Variants in TP73 observed in about 807,000 individuals in gnomAD.
The protein encoded by TP73 is tumor protein p73.
In TP73, 25 loss-of-function variants were observed where a neutral mutation model predicts 62.5. The observed-to-expected ratio is 0.40, with a 90% confidence interval of 0.29 to 0.56. TP73 has a LOEUF of 0.56. TP73 is among the 20% of genes least tolerant of loss of function. TP73 has a pLI of 0.46. For missense variants in TP73, 754 were observed against 913.3 expected, an observed-to-expected ratio of 0.83 and a Z score of 2.25; for synonymous variants, 423 against 377.5, an observed-to-expected ratio of 1.12 and a Z score of -1.40.
intron 1 of TP73, among the ~76,000 whole-genome samples, chr1:3,674,187 C>T (rs766722379): frequency 2.0e-5 from 3 of 152,184 alleles, no homozygotes; most frequent in African/African-American, 2.4e-5. Flanking sequence ...CACGGGGGGT[C>T]GGGCATTTTG....
chr1:3,703,525 A>G (rs1156624311), intron 3 of TP73, among the ~76,000 whole-genome samples: 1 of 152,126 alleles, frequency 6.6e-6, no homozygotes, highest in African/African-American at 2.4e-5. Context: ...GGCCTGGCTC[A>G]CTCCCGCTGG....
chr1:3,667,021 AG>A (rs1443779349), intron 1 of TP73, among the ~76,000 whole-genome samples: 1 of 152,168 alleles, frequency 6.6e-6, no homozygotes, highest in Non-Finnish European at 1.5e-5. Context: ...CAGTGTCATC[AG>A]GGGGCCCCAC....
At chr1:3,680,970 T>G (rs1645505075) in intron 1 of TP73, among the ~76,000 whole-genome samples, 1 of 152,256 alleles carries the variant, frequency 6.6e-6, no homozygotes, top group Non-Finnish European at 1.5e-5. Flanking sequence ...ACAAGTCACT[T>G]AACCCCTCTG....
At chr1:3,715,145 A>AC (rs1640486527) in intron 4 of TP73, among the ~76,000 whole-genome samples, 1 of 152,108 alleles carries the variant, frequency 6.6e-6, no homozygotes, top group Non-Finnish European at 1.5e-5. Flanking sequence ...TCTATTGTCC[A>AC]TGGAGACCCA....
In TP73 at chr1:3,701,527, CAG is replaced by C. The variant is rs1464803824; in HGVS notation, c.187-6019_187-6018del. On this transcript the variant is annotated intron_variant, in intron 3 of 13. Coordinates refer to ENST00000378295, the MANE Select transcript of TP73 (RefSeq NM_005427.4). This position sits in a 1 kb window ranked among gnomAD's most constrained non-coding sequence, Gnocchi z 4.7. ...ATTTCTTTTTTGGTTTTTTTCGAGACAGAGTCTTGCTCTGTCACCCAGGCTGG... is the reference window on the plus strand; with the variant it reads ...ATTTCTTTTTTGGTTTTTTTCGAGACAGTCTTGCTCTGTCACCCAGGCTGG... Among the ~76,000 whole-genome samples, 4 of 152,106 alleles carry C rather than the reference CAG, an allele frequency of 2.6e-5. No individual in the cohort carries two copies. The highest frequency in any genetic ancestry group is 4.4e-5 in the Non-Finnish European group (3 of 68,020).
chr1:3,690,052 C>T (rs1317374571), intron 3 of TP73, among the ~76,000 whole-genome samples: 1 of 152,222 alleles, frequency 6.6e-6, no homozygotes, highest in Non-Finnish European at 1.5e-5. Context: ...CTGCAGGGGG[C>T]CCCACTGCCG....
At chr1:3,682,656 C>G (rs1039755467) in intron 2 of TP73, among the ~76,000 whole-genome samples, 2 of 152,250 alleles carry the variant, frequency 1.3e-5, no homozygotes, top group Non-Finnish European at 2.9e-5. Context: ...TGGACCAGAG[C>G]AGGAGAGGTG....
At chr1:3,695,571 C>T (rs899756609) in intron 3 of TP73, among the ~76,000 whole-genome samples, 1 of 152,252 alleles carries the variant, frequency 6.6e-6, no homozygotes, top group African/African-American at 2.4e-5. Context: ...TGGACACCCC[C>T]ACTCCCGTGC....
rs970366509 is a variant in TP73 at position 3,696,374 on chromosome 1, A to G, written c.187-11175A>G. 2.0e-5 allele frequency among the ~76,000 whole-genome samples: 3 copies of G among 151,956 alleles called. No individual in the cohort carries two copies. The highest frequency in any genetic ancestry group is 2.1e-4 in the South Asian group (1 of 4,806). On this transcript the variant is annotated intron_variant, in intron 3 of 13. Coordinates refer to ENST00000378295, the MANE Select transcript of TP73 (RefSeq NM_005427.4). The surrounding 1 kb of genome is among the most constrained non-coding windows in gnomAD (Gnocchi z 4.1). The stretch of plus-strand genomic sequence containing the variant: ...AAGGAGTTGGGGCCACACTGGCAGG[A>G]GCGGCCATGTGGACACTCAGTTGCT...
Position 3,731,493 on chromosome 1 carries a change from C to T in TP73, c.1515C>T (p.Cys505=), listed in dbSNP as rs1290590496. Reference sequence around the variant, plus strand: ...TAACAGGATTGGGGTGTCCAAACTGCATCGAGTATTTCACCTCCCAAGGGT... The same window carrying T: ...TAACAGGATTGGGGTGTCCAAACTGTATCGAGTATTTCACCTCCCAAGGGT... ...SFLTGLGCPN[C]IEYFTSQGLQ... is the part of the protein sequence containing the mutation. Residue 505 remains cysteine (C), a synonymous_variant, in exon 13 of 14, where the codon TGC becomes TGT. Coordinates refer to ENST00000378295, the MANE Select transcript of TP73 (RefSeq NM_005427.4). The T allele has an allele frequency of 6.2e-7, 1 of 1,613,854 alleles. No individual in the cohort carries two copies. The highest frequency in any genetic ancestry group is 1.7e-5 in the Admixed American group (1 of 60,020).
intron 1 of TP73, among the ~76,000 whole-genome samples, chr1:3,677,954 C>T (rs943795560): frequency 2.0e-5 from 3 of 152,152 alleles, no homozygotes; most frequent in Non-Finnish European, 4.4e-5. Context: ...ATCCTCCCTC[C>T]TTGGCCTCCT....
chr1:3,669,197 C>T (rs964544678), intron 1 of TP73, among the ~76,000 whole-genome samples: 11 of 152,224 alleles, frequency 7.2e-5, no homozygotes, highest in African/African-American at 2.7e-4. Context: ...GCCCTCCTCT[C>T]GGCCTGAGTC....
Position 3,662,938 on chromosome 1 carries a change from G to A in TP73, c.-34+10297G>A, listed in dbSNP as rs1645029604. On this transcript the variant is annotated intron_variant, in intron 1 of 13. Transcript: ENST00000378295. This position sits in a 1 kb window ranked among gnomAD's most constrained non-coding sequence, Gnocchi z 4.4. ...AAAAACGAAATTCTCTTTTATAAGA[G>A]AAACTTGTCTCTGGTCCCATGTGTT... 6.6e-6 allele frequency among the ~76,000 whole-genome samples: 1 copy of A among 152,234 alleles called. No homozygotes were observed. Among genetic ancestry groups the A allele is most frequent in the South Asian group, 2.1e-4 (1 of 4,832 alleles).
At chr1:3,689,361 T>C (rs564867471) in intron 3 of TP73, among the ~76,000 whole-genome samples, 2 of 152,294 alleles carry the variant, frequency 1.3e-5, no homozygotes, top group South Asian at 4.1e-4. Context: ...TGTTGGGGGC[T>C]GAGATCCTCT....
intron 3 of TP73, 138 bp from the exon 4 acceptor site, chr1:3,707,411 G>T (rs1025439465): frequency 3.2e-6 from 4 of 1,251,578 alleles, no homozygotes; most frequent in East Asian, 2.4e-5. Flanking sequence ...TGTTGGGATG[G>T]GGGAGAGACC....
intron 3 of TP73, among the ~76,000 whole-genome samples, chr1:3,690,370 C>G (rs1645782482): frequency 6.6e-6 from 1 of 152,190 alleles, no homozygotes; most frequent in African/African-American, 2.4e-5. Flanking sequence ...ATCTCTCCCC[C>G]TTGGGGTGGC....
intron 3 of TP73, among the ~76,000 whole-genome samples, chr1:3,695,631 G>A (rs1638577828): frequency 6.6e-6 from 1 of 152,258 alleles, no homozygotes; most frequent in African/African-American, 2.4e-5. Flanking sequence ...TGAAACCTCT[G>A]GGCAGGATGG....
intron 3 of TP73, among the ~76,000 whole-genome samples, chr1:3,688,222 G>A (rs1645714780): frequency 6.6e-6 from 1 of 152,120 alleles, no homozygotes; most frequent in South Asian, 2.1e-4. Flanking sequence ...TTCCTTTGGT[G>A]GGCTTTCGTG....
Position 3,662,501 on chromosome 1 carries a change from T to A in TP73, c.-34+9860T>A, listed in dbSNP as rs1435800330. On this transcript the variant is annotated intron_variant, in intron 1 of 13. Transcript: ENST00000378295. This position sits in a 1 kb window ranked among gnomAD's most constrained non-coding sequence, Gnocchi z 4.4. ...TGAAGGTGGTTTCGTCACGCGGACA[T>A]GCGTCTCTCAGGCGATCAGAGTTAC... is the stretch of plus-strand genomic sequence containing the variant. Among the ~76,000 whole-genome samples the A allele has an allele frequency of 1.3e-5, 2 of 152,196 alleles. No individual in the cohort carries two copies. Among genetic ancestry groups the A allele is most frequent in the Non-Finnish European group, 2.9e-5 (2 of 68,038 alleles).
Sources: gnomAD v4.1 joint callset for allele counts (sites outside exome capture counted in the v4.1 genomes callset) on GRCh38, gnomAD v4.1.1 for gene constraint, Gnocchi (gnomAD v3.1) non-coding constraint, MANE v1.5 for transcripts, NCBI Gene and HGNC (gene_info 2026-07-23, HGNC 2026-07-21) for gene names.